Variants in SPINK5 observed in about 807,000 individuals in gnomAD.
The protein encoded by SPINK5 is serine protease inhibitor Kazal-type 5.
SPINK5 carries 125 observed loss-of-function variants against 151.8 expected under a neutral mutation model. The ratio of observed to expected loss-of-function variants is 0.82; its 90% CI spans 0.71 to 0.96. The LOEUF is 0.96. Ranked by LOEUF, SPINK5 falls within the 40% of genes least tolerant of loss-of-function variation. The pLI, the probability that SPINK5 is intolerant of heterozygous loss-of-function variation, is 0.00. For synonymous variants in SPINK5, 374 were observed against 395.3 expected, an observed-to-expected ratio of 0.95 and a Z score of 0.64; for missense variants, 1,194 against 1,291.9, an observed-to-expected ratio of 0.92 and a Z score of 1.16.
chr5:148,125,654 C>A (rs748695409), intron 28 of SPINK5, 69 bp from the exon 29 acceptor site: 8 of 1,614,130 alleles, frequency 5.0e-6, no homozygotes, highest in Non-Finnish European at 6.8e-6. Context: ...TTCCTAAAAC[C>A]AAGTTTGAAG....
At chr5:148,102,570 T>G (rs1753678323) in intron 15 of SPINK5, among the ~76,000 whole-genome samples, 1 of 152,120 alleles carries the variant, frequency 6.6e-6, no homozygotes, top group Admixed American at 6.6e-5. Flanking sequence ...TCTATGACAT[T>G]TAAAAAGTAA....
Position 148,105,051 on chromosome 5 carries a change from T to C in SPINK5, c.1479+51T>C, listed in dbSNP as rs745748711. 5 of 1,557,810 alleles carry C rather than the reference T, an allele frequency of 3.2e-6. No individual in the cohort carries two copies. In the South Asian group the frequency reaches 3.4e-5, roughly 11 times the overall value. ...TGTGCCCTGACATTTTTCATTTCTT[T>C]ATAATTCTTTACTTATCCTATTAGA... On this transcript the variant is annotated intron_variant, in intron 16 of 32. Transcript: ENST00000256084.
At chr5:148,107,432 AAGAG>A (rs3995244) in intron 17 of SPINK5, among the ~76,000 whole-genome samples, 6,195 of 152,160 alleles carry the variant, frequency 0.041, 365 homozygotes, top group African/African-American at 0.13. Flanking sequence ...ATTTGTGAAA[AAGAG>A]AGAGCAGAAA....
At chr5:148,078,344 G>A (rs904512434) in intron 4 of SPINK5, among the ~76,000 whole-genome samples, 3 of 150,880 alleles carry the variant, frequency 2.0e-5, no homozygotes, top group Admixed American at 1.3e-4. Flanking sequence ...AAAAATAATC[G>A]TTAGGAATTT....
At position 148,137,199 on chromosome 5, in the gene SPINK5, C is replaced by G. The variant is rs3088193; in HGVS notation, c.*208C>G. 259,510 of 638,660 alleles carry G rather than the reference C, an allele frequency of 0.41. 55,654 individuals are homozygous for G. Among genetic ancestry groups the G allele is most frequent in the African/African-American group, 0.58 (31,499 of 54,538 alleles). The allele number at this position is 638,660 out of a possible 1,614,324, so 39.6% of individuals were successfully genotyped here. A position where few individuals can be genotyped will look rare whatever the true frequency, so the allele number is the denominator to read the frequency against. ...CTGTGATCTGAGGGTATAAAGACAT[C>G]TCCACCAAGTCTGAGCCCTCAAAAT... On this transcript the variant is annotated 3_prime_UTR_variant, in exon 33 of 33. Coordinates refer to ENST00000256084, the MANE Select transcript of SPINK5 (RefSeq NM_006846.4).
chr5:148,089,402 G>T lies in SPINK5; in HGVS notation c.475-92G>T, dbSNP rs1296246474. On this transcript the variant is annotated intron_variant, in intron 6 of 32. Transcript: ENST00000256084. The stretch of plus-strand genomic sequence containing the variant: ...ACTGCTCTAAGTGGCCCATAGCAAT[G>T]TCAGAGGGACTGAGTTCAATAAAAT... 4 of 1,577,940 alleles carry T rather than the reference G, an allele frequency of 2.5e-6. No homozygotes were observed. In the African/African-American group the frequency reaches 4.1e-5, roughly 16 times the overall value.
intron 11 of SPINK5, 139 bp from the exon 12 acceptor site, chr5:148,099,095 C>A: frequency 2.9e-6 from 2 of 690,460 alleles, no homozygotes; most frequent in Non-Finnish European, 5.1e-6. Flanking sequence ...TATTTTGTTG[C>A]TTCTCATTGA....
At chr5:148,115,486 T>C (rs1299786477) in intron 21 of SPINK5, among the ~76,000 whole-genome samples, 1 of 152,090 alleles carries the variant, frequency 6.6e-6, no homozygotes, top group East Asian at 1.9e-4. Flanking sequence ...GCTACTCATG[T>C]AGAGGGAGGA....
At chr5:148,067,798 A>G (rs1459262344) in intron 2 of SPINK5, among the ~76,000 whole-genome samples, 1 of 152,156 alleles carries the variant, frequency 6.6e-6, no homozygotes, top group Non-Finnish European at 1.5e-5. Context: ...TCTTATAAGT[A>G]GAGACAAGGT....
At chr5:148,114,562 T>G (rs549530722) in intron 21 of SPINK5, 73 bp downstream of exon 21, 1 of 1,598,416 alleles carries the variant, frequency 6.3e-7, no homozygotes, top group Non-Finnish European at 8.6e-7. Context: ...AAATAATATG[T>G]ATTGTGTTTG....
At chr5:148,119,975 C>T (rs201412859) in intron 24 of SPINK5, 34 bp from the exon 25 acceptor site, 7 of 1,611,208 alleles carry the variant, frequency 4.3e-6, no homozygotes, top group East Asian at 2.2e-5. Flanking sequence ...TATGTAAAAA[C>T]AGCACTTCCA....
intron 20 of SPINK5, among the ~76,000 whole-genome samples, chr5:148,113,512 G>A (rs559183655): frequency 5.9e-5 from 9 of 152,164 alleles, no homozygotes; most frequent in African/African-American, 2.2e-4. Context: ...TTTACCTGTG[G>A]TTATATTTTG....
chr5:148,127,183 G>A, intron 30 of SPINK5, 104 bp downstream of exon 30: 1 of 969,328 alleles, frequency 1.0e-6, no homozygotes, highest in South Asian at 1.4e-5. Flanking sequence ...GAGGTTTGCT[G>A]ATTCAGTGCA....
intron 2 of SPINK5, among the ~76,000 whole-genome samples, chr5:148,070,020 C>T (rs1488600416): frequency 6.6e-6 from 1 of 152,028 alleles, no homozygotes; most frequent in Non-Finnish European, 1.5e-5. Flanking sequence ...TATTGGCCTA[C>T]TGTGTACTAG....
At position 148,067,678 on chromosome 5, in the gene SPINK5, G is replaced by A. The variant is rs909769346; in HGVS notation, c.81+2306G>A. Among the ~76,000 whole-genome samples the A allele has an allele frequency of 5.3e-5, 8 of 152,102 alleles. 1 individual carries two copies. The highest frequency in any genetic ancestry group is 6.5e-5 in the Admixed American group (1 of 15,268). On this transcript the variant is annotated intron_variant, in intron 2 of 32. Coordinates refer to ENST00000256084, the MANE Select transcript of SPINK5 (RefSeq NM_006846.4). ...TTAACCTATTATTTGGGCCTCTGAT[G>A]CTCAGTTTGTAAGAAAGGGAGTCTT...
At chr5:148,125,669 C>T in intron 28 of SPINK5, 54 bp from the exon 29 acceptor site, 1 of 1,614,156 alleles carries the variant, frequency 6.2e-7, no homozygotes, top group Non-Finnish European at 8.5e-7. Flanking sequence ...TTGAAGAAAT[C>T]ACTAAGCCAA....
At chr5:148,113,178 C>T (rs1359643010) in intron 20 of SPINK5, among the ~76,000 whole-genome samples, 3 of 152,118 alleles carry the variant, frequency 2.0e-5, no homozygotes, top group African/African-American at 2.4e-5. Context: ...AGACTGTATA[C>T]AAACATATGG....
At chr5:148,108,881 C>A in intron 18 of SPINK5, 44 bp downstream of exon 18, 1 of 1,607,502 alleles carries the variant, frequency 6.2e-7, no homozygotes, top group South Asian at 1.1e-5. Flanking sequence ...ATTCAACGAT[C>A]ACTCTCCCTA....
At position 148,113,398 on chromosome 5, in the gene SPINK5, C is replaced by CTTTG. The variant is rs1753996662; in HGVS notation, c.1887+464_1887+465insTTTG. 2.6e-5 allele frequency among the ~76,000 whole-genome samples: 4 copies of CTTTG among 152,232 alleles called. No individual in the cohort carries two copies. In the South Asian group the frequency reaches 8.3e-4, roughly 32 times the overall value. Reference sequence around the variant, plus strand: ...AGCTTCATATTTCAAAGTTCTGGAACAATAGAATTCAATCCTAGACTTCCT... The same window carrying CTTTG: ...AGCTTCATATTTCAAAGTTCTGGAACTTTGAATAGAATTCAATCCTAGACTTCCT... On this transcript the variant is annotated intron_variant, in intron 20 of 32. Coordinates refer to ENST00000256084, the MANE Select transcript of SPINK5 (RefSeq NM_006846.4).
Sources: gnomAD v4.1 joint callset for allele counts (sites outside exome capture counted in the v4.1 genomes callset) on GRCh38, gnomAD v4.1.1 for gene constraint, MANE v1.5 for transcripts, NCBI Gene and HGNC (gene_info 2026-07-23, HGNC 2026-07-21) for gene names.